COL9A1: variants seen among roughly 807,000 people sequenced by gnomAD.
COL9A1 encodes the protein collagen type IX alpha 1 chain.
COL9A1 carries 104 observed loss-of-function variants against 142.6 expected under a neutral mutation model. The ratio of observed to expected loss-of-function variants is 0.73; its 90% CI spans 0.62 to 0.86. The LOEUF (loss-of-function observed/expected upper bound fraction) is 0.86, where lower values mean the gene tolerates loss of function less well. Ranked by LOEUF, COL9A1 falls within the 40% of genes least tolerant of loss-of-function variation. The pLI, the probability that COL9A1 is intolerant of heterozygous loss-of-function variation, is 0.00. For missense variants in COL9A1, 1,210 were observed against 1,176.6 expected (o/e 1.03, Z -0.42); for synonymous variants, 466 against 396.0 (o/e 1.18, Z -2.10).
intron 12 of COL9A1, 46 bp downstream of exon 12, chr6:70,274,001 C>T (rs776626909): frequency 8.4e-6 from 11 of 1,312,152 alleles, no homozygotes; most frequent in Non-Finnish European, 1.0e-5. Flanking sequence ...CAGAATTTTA[C>T]CTAAAGATAG....
Position 70,266,958 on chromosome 6 carries a change from T to G in COL9A1, c.1288-188A>C, listed in dbSNP as rs12196905. On this transcript the variant is annotated intron_variant, in intron 17 of 37. Transcript: ENST00000357250. ...ACTGCCATATATAATTAATATCAGT[T>G]TTACTTAATAGAAAAACACTGCTCT... Among the ~76,000 whole-genome samples, 19,294 of 152,164 alleles carry G rather than the reference T, an allele frequency of 0.13. 1,534 individuals are homozygous for G. Among genetic ancestry groups the G allele is most frequent in the Non-Finnish European group, 0.18 (12,101 of 67,982 alleles).
rs11407353 is a variant in COL9A1, at chr6:70,227,424, T to TAAAAAAAAAAAAAA, written c.2504-1429_2504-1416dup. On this transcript the variant is annotated intron_variant, in intron 36 of 37. Transcript: ENST00000357250. ...CTCATAACAAAATAAATGCAAATTG[T>TAAAAAAAAAAAAAA]AAAAAAAAAAAAAAAAAAAAAAAAG... 7.6e-4 allele frequency among the ~76,000 whole-genome samples: 38 copies of TAAAAAAAAAAAAAA among 50,028 alleles called. 1 individual carries two copies. Among genetic ancestry groups the TAAAAAAAAAAAAAA allele is most frequent in the African/African-American group, 3.6e-3 (32 of 8,862 alleles). The allele number at this position is 50,028 out of a possible 152,430, so 32.8% of individuals were successfully genotyped here.
intron 37 of COL9A1, among the ~76,000 whole-genome samples, chr6:70,221,057 T>C (rs1768850170): frequency 6.6e-6 from 1 of 152,226 alleles, no homozygotes; most frequent in African/African-American, 2.4e-5. Context: ...CTATTATATG[T>C]CAATTAAAAT....
At position 70,274,098 on chromosome 6, in the gene COL9A1, G is replaced by C. The variant is rs748135340; in HGVS notation, c.1030-16C>G. On this transcript the variant is annotated splice_polypyrimidine_tract_variant and intron_variant, in intron 11 of 37. Transcript: ENST00000357250. ...CAGGTTCTCCCTAAAAATAAAAATAGTTTCATTGTACTGACCTTTCATATC... is the reference window on the plus strand; with the variant it reads ...CAGGTTCTCCCTAAAAATAAAAATACTTTCATTGTACTGACCTTTCATATC... 42 of 1,584,230 alleles carry C rather than the reference G, an allele frequency of 2.7e-5. No individual in the cohort carries two copies. The highest frequency in any genetic ancestry group is 2.9e-5 in the Non-Finnish European group (34 of 1,161,844).
intron 37 of COL9A1, 36 bp downstream of exon 37, chr6:70,225,896 C>G (rs1042464097): frequency 6.5e-7 from 1 of 1,537,076 alleles, no homozygotes; most frequent in South Asian, 1.1e-5. Flanking sequence ...CTACCAATTT[C>G]GCTACCTCCT....
chr6:70,295,511 C>T (rs1583349536), intron 4 of COL9A1, among the ~76,000 whole-genome samples: 1 of 152,016 alleles, frequency 6.6e-6, no homozygotes, highest in Admixed American at 6.6e-5. Flanking sequence ...TGGTCTCGAA[C>T]TCCTGACCTC....
At chr6:70,265,178 T>A (rs1771932630) in intron 18 of COL9A1, among the ~76,000 whole-genome samples, 1 of 152,080 alleles carries the variant, frequency 6.6e-6, no homozygotes, top group Admixed American at 6.5e-5. Flanking sequence ...AATTTGAGAA[T>A]CTAGATAATT....
rs1773655945 is a variant in COL9A1, at chr6:70,291,411, C to T, written c.696+2756G>A. On this transcript the variant is annotated intron_variant, in intron 5 of 37. Coordinates refer to ENST00000357250, the MANE Select transcript of COL9A1 (RefSeq NM_001851.6). The stretch of plus-strand genomic sequence containing the variant: ...ATCCCTGGCCCCCACTCTCATGCCT[C>T]CCTGCTCTTATCTGAGTGAGGAGAT... Among the ~76,000 whole-genome samples the T allele has an allele frequency of 4.6e-5, 7 of 152,222 alleles. No homozygotes were observed. In the South Asian group the frequency reaches 1.5e-3, roughly 32 times the overall value.
intron 1 of COL9A1, 148 bp downstream of exon 1, chr6:70,302,763 G>A: frequency 3.2e-6 from 3 of 929,016 alleles, no homozygotes; most frequent in East Asian, 4.8e-5. Context: ...TTGCCCTCTT[G>A]TCTTACTCTC....
intron 37 of COL9A1, among the ~76,000 whole-genome samples, chr6:70,225,430 G>A (rs115513529): frequency 0.017 from 2,571 of 150,504 alleles, 77 homozygotes; most frequent in African/African-American, 0.058. Context: ...GAGCAGGAAT[G>A]TTCAGTTTTG....
intron 25 of COL9A1, 83 bp from the exon 26 acceptor site, chr6:70,253,512 A>C (rs995879063): frequency 1.0e-6 from 1 of 952,722 alleles, no homozygotes; most frequent in African/African-American, 1.6e-5. Context: ...CACTGCAGGG[A>C]GGCTGAGGGA....
chr6:70,284,502 C>T (rs1773365536), intron 5 of COL9A1, among the ~76,000 whole-genome samples: 1 of 152,138 alleles, frequency 6.6e-6, no homozygotes, highest in African/African-American at 2.4e-5. Flanking sequence ...AAAGATGTAA[C>T]TTTCTAGACA....
intron 10 of COL9A1, chr6:70,280,591 T>C: frequency 7.5e-7 from 1 of 1,329,004 alleles, no homozygotes; most frequent in South Asian, 1.5e-5. Flanking sequence ...GAGGAGGAAA[T>C]GCCAACGCCT....
chr6:70,280,658 C>T (rs148568965), intron 10 of COL9A1, among the ~76,000 whole-genome samples, 154 bp downstream of exon 10: 1 of 152,184 alleles, frequency 6.6e-6, no homozygotes, highest in African/African-American at 2.4e-5. Flanking sequence ...GCCAGTTCCA[C>T]GATCAATCAG....
intron 5 of COL9A1, among the ~76,000 whole-genome samples, chr6:70,290,432 T>C (rs1050863015): frequency 6.6e-6 from 1 of 152,068 alleles, no homozygotes; most frequent in African/African-American, 2.4e-5. Flanking sequence ...CAGCAGTGCA[T>C]TGGGAAAAAA....
At chr6:70,275,290 T>A (rs1194184489) in intron 10 of COL9A1, 1 of 154,044 alleles carries the variant, frequency 6.5e-6, no homozygotes, top group Non-Finnish European at 1.4e-5. Context: ...ATTATTGCCT[T>A]ATAGCCACTA....
Position 70,294,126 on chromosome 6 carries a change from G to A in COL9A1, c.696+41C>T, listed in dbSNP as rs377496832. On this transcript the variant is annotated intron_variant, in intron 5 of 37. Coordinates refer to ENST00000357250, the MANE Select transcript of COL9A1 (RefSeq NM_001851.6). ...TGAGATGTTCATTTTTACCAATCTAGTTTTGCTTTAATCTGCCATAGTGTG... is the reference window on the plus strand; with the variant it reads ...TGAGATGTTCATTTTTACCAATCTAATTTTGCTTTAATCTGCCATAGTGTG... 3.8e-5 allele frequency: 61 copies of A among 1,611,426 alleles called. No homozygotes were observed. The Middle Eastern group carries it at 1.3e-3, about 35-fold the overall frequency.
chr6:70,283,896 G>T (rs1021208802), intron 5 of COL9A1, 76 bp from the exon 6 acceptor site: 6 of 998,114 alleles, frequency 6.0e-6, no homozygotes, highest in Non-Finnish European at 9.4e-6. Flanking sequence ...GAGATGAGTT[G>T]CGTCTAATTG....
intron 5 of COL9A1, among the ~76,000 whole-genome samples, chr6:70,288,396 C>G (rs2127602113): frequency 6.6e-6 from 1 of 152,268 alleles, no homozygotes; most frequent in East Asian, 1.9e-4. Context: ...AGCCCTTGCT[C>G]CTACACTCTT....
Sources: allele counts gnomAD v4.1 joint callset (sites outside exome capture counted in the v4.1 genomes callset), GRCh38; gene constraint gnomAD v4.1.1; transcripts MANE v1.5; gene names NCBI Gene and HGNC (gene_info 2026-07-23, HGNC 2026-07-21).